SCLT1: variants seen among roughly 807,000 people sequenced by gnomAD.
SCLT1 encodes sodium channel and clathrin linker 1.
In SCLT1, 78 loss-of-function variants were observed where a neutral mutation model predicts 112.8. The observed-to-expected ratio is 0.69, with a 90% CI of 0.58 to 0.83. SCLT1 has a LOEUF of 0.83. Among genes scored for constraint, SCLT1 ranks in the 40% least tolerant of loss-of-function variants. The pLI is 0.00. For synonymous variants in SCLT1, 257 were observed against 254.7 expected (o/e 1.01, Z -0.09); for missense variants, 747 against 770.4 (o/e 0.97, Z 0.36).
rs763030356 is a variant in SCLT1, at chr4:128,965,280, T to G, written c.816A>C (p.Ala272=). 3 of 1,610,782 alleles carry G rather than the reference T, an allele frequency of 1.9e-6. No individual in the cohort carries two copies. The highest frequency in any genetic ancestry group is 4.5e-5 in the East Asian group (2 of 44,766). ...DVVSAHGREE[A]SDRRLQQLQS... The stretch of plus-strand genomic sequence containing the variant: ...GTAACTGCTGTAAACGCCTATCTGA[T>G]GCTTCCTCTCTTCCATGGGCAGACA... The change falls in exon 11 of 21, where the codon GCA becomes GCC. Residue 272 remains alanine (A), a synonymous_variant. Coordinates refer to ENST00000281142, the MANE Select transcript of SCLT1 (RefSeq NM_144643.4).
chr4:128,881,665 A>G (rs1579270823), downstream of SCLT1, among the ~76,000 whole-genome samples: 1 of 152,268 alleles, frequency 6.6e-6, no homozygotes, highest in South Asian at 2.1e-4. Flanking sequence ...ATCATTTCTT[A>G]CCTCTCTTTC....
At chr4:129,076,863 C>G (rs2125764745) in intron 2 of SCLT1, among the ~76,000 whole-genome samples, 1 of 152,002 alleles carries the variant, frequency 6.6e-6, no homozygotes, top group Admixed American at 6.6e-5. Context: ...TCAAAGACAA[C>G]TGAATTTTAC....
intron 9 of SCLT1, among the ~76,000 whole-genome samples, chr4:128,989,052 T>C (rs1004637025): frequency 5.9e-5 from 9 of 151,860 alleles, no homozygotes; most frequent in African/African-American, 2.2e-4. Flanking sequence ...CACCCCTCTT[T>C]CAGAATTGGA....
intron 18 of SCLT1, among the ~76,000 whole-genome samples, chr4:128,908,153 G>A (rs1344014073): frequency 6.6e-6 from 1 of 152,118 alleles, no homozygotes; most frequent in Non-Finnish European, 1.5e-5. Context: ...TATATTATAT[G>A]AGAGAATTAA....
rs778310681 is a variant in SCLT1, at chr4:128,943,181, C to T, written c.1447G>A (p.Glu483Lys). The part of the protein sequence containing the change: ...RIKQLETDSS[E>K]EISRYQEMIQ... ...ATTTCTTGGTAACGTGATATTTCTT[C>T]TGAGGAGCTGATTAAAAAACGAAAT... Residue 483 changes from glutamate (E) to lysine (K), a missense_variant, in exon 17 of 21, where the codon GAA (glutamate) becomes AAA (lysine). Physicochemically the swap from Glu to Lys is moderately conservative, Grantham distance 56. This residue lies in a region of SCLT1 where 723 missense variants were observed against 721.3 expected (regional missense o/e 1.00). Coordinates refer to ENST00000281142, the MANE Select transcript of SCLT1 (RefSeq NM_144643.4). 6.3e-7 allele frequency: 1 copy of T among 1,599,970 alleles called. No individual in the cohort carries two copies. Among genetic ancestry groups the T allele is most frequent in the African/African-American group, 1.4e-5 (1 of 73,952 alleles).
Position 129,093,325 on chromosome 4 carries a change from C to G in SCLT1, c.-222G>C. 3.4e-6 allele frequency: 2 copies of G among 585,660 alleles called. No homozygotes were observed. The highest frequency in any genetic ancestry group is 6.1e-6 in the Non-Finnish European group (2 of 327,524). The allele number at this position is 585,660 out of a possible 1,614,324, so 36.3% of individuals were successfully genotyped here. A position where few individuals can be genotyped will look rare whatever the true frequency, so the allele number is the denominator to read the frequency against. Reference sequence around the variant, plus strand: ...GGCCCTGGTGAGAGACTGAAGATTGCTGGGGACTCCACGTTCAACCGAATC... The same window carrying G: ...GGCCCTGGTGAGAGACTGAAGATTGGTGGGGACTCCACGTTCAACCGAATC... On this transcript the variant is annotated 5_prime_UTR_variant, in exon 1 of 21. Transcript: ENST00000281142.
chr4:129,044,059 A>G lies in SCLT1; in HGVS notation c.103-8T>C, dbSNP rs775673307. ...TCCTTGGCAGACAGCTTTCTATAAAAGAATGTACATCTTAAAATGTGTTCT... is the reference window on the plus strand; with the variant it reads ...TCCTTGGCAGACAGCTTTCTATAAAGGAATGTACATCTTAAAATGTGTTCT... On this transcript the variant is annotated splice_region_variant and splice_polypyrimidine_tract_variant and intron_variant, in intron 2 of 20. Coordinates refer to ENST00000281142, the MANE Select transcript of SCLT1 (RefSeq NM_144643.4). 30 of 1,501,220 alleles carry G rather than the reference A, an allele frequency of 2.0e-5. No individual in the cohort carries two copies. In the South Asian group the frequency reaches 2.9e-4, roughly 15 times the overall value. The allele number at this position is 1,501,220 out of a possible 1,614,324, so 93.0% of individuals were successfully genotyped here.
At chr4:129,018,616 CATAT>C (rs1202114043) in intron 5 of SCLT1, among the ~76,000 whole-genome samples, 1 of 152,104 alleles carries the variant, frequency 6.6e-6, no homozygotes, top group African/African-American at 2.4e-5. Flanking sequence ...ATGAGTTAAA[CATAT>C]ATAGTTTATG....
intron 18 of SCLT1, among the ~76,000 whole-genome samples, chr4:128,928,976 G>A (rs1443093818): frequency 6.6e-6 from 1 of 152,160 alleles, no homozygotes; most frequent in African/African-American, 2.4e-5. Flanking sequence ...TTCCTTTTAA[G>A]ATTGGGAACA....
chr4:128,911,176 G>C (rs1034943993), intron 18 of SCLT1, among the ~76,000 whole-genome samples: 2 of 152,128 alleles, frequency 1.3e-5, no homozygotes, highest in Non-Finnish European at 2.9e-5. Context: ...TAAGGCAGGA[G>C]AATCGCTTGA....
chr4:129,090,579 A>T (rs538893973), intron 1 of SCLT1, among the ~76,000 whole-genome samples: 3 of 152,238 alleles, frequency 2.0e-5, no homozygotes, highest in Non-Finnish European at 4.4e-5. Context: ...CACAATTCAT[A>T]AAAGAACAAA....
In SCLT1 at chr4:128,999,787, G is replaced by A. The variant is rs1242854875; in HGVS notation, c.434C>T (p.Thr145Ile). ...AGTCTGCCAGAGTTCCACAGCCTGA[G>A]TTTTTTCCTATTAAAAAAGTTTGAT... Reference protein sequence around the residue: ...EQLQLANQEKTQAVELWQTVS... With the variant: ...EQLQLANQEKIQAVELWQTVS... Residue 145 changes from threonine (T) to isoleucine (I), a missense_variant, in exon 7 of 21, where the codon ACT becomes ATT. Around this residue, in one of 2 missense-constraint regions of SCLT1, gnomAD observed 723 missense variants for 721.3 expected, o/e 1.00. Coordinates refer to ENST00000281142, the MANE Select transcript of SCLT1 (RefSeq NM_144643.4). The A allele has an allele frequency of 6.3e-7, 1 of 1,593,974 alleles. No individual in the cohort carries two copies. Among genetic ancestry groups the A allele is most frequent in the African/African-American group, 1.4e-5 (1 of 73,798 alleles).
intron 5 of SCLT1, among the ~76,000 whole-genome samples, chr4:129,014,926 G>A (rs535162249): frequency 2.0e-5 from 3 of 152,116 alleles, no homozygotes; most frequent in Non-Finnish European, 2.9e-5. Context: ...TGGTGACTAC[G>A]TGGGTGGTCG....
At chr4:129,038,185 CAAT>C (rs1487870368) in intron 5 of SCLT1, 1 of 152,986 alleles carries the variant, frequency 6.5e-6, no homozygotes, top group Admixed American at 6.6e-5. Flanking sequence ...ATTAAAACAA[CAAT>C]AAAAAAGTAT....
chr4:129,006,735 C>T (rs1161412308), intron 5 of SCLT1, among the ~76,000 whole-genome samples: 2 of 152,064 alleles, frequency 1.3e-5, no homozygotes, highest in African/African-American at 4.8e-5. Context: ...GATGTCCAAT[C>T]TTGCGTTTCT....
chr4:129,077,617 TGG>T (rs1751574988), intron 2 of SCLT1, among the ~76,000 whole-genome samples: 1 of 152,164 alleles, frequency 6.6e-6, no homozygotes, highest in Non-Finnish European at 1.5e-5. Context: ...TCTAGGCATC[TGG>T]GAAACATGGC....
intron 18 of SCLT1, among the ~76,000 whole-genome samples, chr4:128,896,962 G>C (rs901448211): frequency 1.4e-4 from 22 of 152,072 alleles, no homozygotes; most frequent in Non-Finnish European, 2.8e-4. Context: ...AGTGAGAAGA[G>C]AAGTTTAGAG....
chr4:128,915,598 T>A (rs1269790430), intron 18 of SCLT1, among the ~76,000 whole-genome samples: 6 of 152,198 alleles, frequency 3.9e-5, no homozygotes, highest in African/African-American at 1.4e-4. Context: ...TTATATCATG[T>A]TTTAAAAGTT....
chr4:128,975,158 C>A (rs1352520422), intron 9 of SCLT1, among the ~76,000 whole-genome samples: 2 of 149,782 alleles, frequency 1.3e-5, no homozygotes, highest in Non-Finnish European at 2.9e-5. Flanking sequence ...CTTGCCTCAG[C>A]CTCCTGAGTA....
Sources: gnomAD v4.1 joint callset for allele counts (sites outside exome capture counted in the v4.1 genomes callset) on GRCh38, gnomAD v4.1.1 for gene constraint, gnomAD v4.1.1 regional missense constraint, MANE v1.5 for transcripts, NCBI Gene and HGNC (gene_info 2026-07-23, HGNC 2026-07-21) for gene names.